LAMA3: variants seen among roughly 807,000 people sequenced by gnomAD.
LAMA3 encodes laminin subunit alpha 3, also known as laminin subunit alpha-3.
In LAMA3, 281 loss-of-function variants were observed where a neutral mutation model predicts 402.0. The ratio of observed to expected loss-of-function variants is 0.70; its 90% CI spans 0.63 to 0.77. The LOEUF (loss-of-function observed/expected upper bound fraction) is 0.77, where lower values mean the gene tolerates loss of function less well. Among genes scored for constraint, LAMA3 ranks in the 30% least tolerant of loss-of-function variants. The probability of loss-of-function intolerance (pLI) is 0.00; values close to 1 mark genes in which losing one functional copy is unlikely to be tolerated. For synonymous variants in LAMA3, 1,431 were observed against 1,558.4 expected, an observed-to-expected ratio of 0.92 and a Z score of 1.93; for missense variants, 3,840 against 4,215.5, an observed-to-expected ratio of 0.91 and a Z score of 2.47.
chr18:23,714,102 C>T (rs774649919), intron 2 of LAMA3, 30 bp downstream of exon 2: 1 of 1,597,264 alleles, frequency 6.3e-7, no homozygotes, highest in South Asian at 1.1e-5. Context: ...GGAATGGGAA[C>T]ATGAGCTTAG....
chr18:23,815,724 A>G, intron 17 of LAMA3, 151 bp downstream of exon 17: 2 of 698,426 alleles, frequency 2.9e-6, no homozygotes, highest in Admixed American at 2.0e-5. Context: ...CCAAACATTG[A>G]TTACATTGAA....
At chr18:23,733,444 G>T (rs2061425305) in intron 2 of LAMA3, among the ~76,000 whole-genome samples, 1 of 151,108 alleles carries the variant, frequency 6.6e-6, no homozygotes, top group Non-Finnish European at 1.5e-5. Context: ...AGCAAAAGGG[G>T]TTTTCCCTTA....
At chr18:23,830,521 A>G (rs545681008) in intron 23 of LAMA3, among the ~76,000 whole-genome samples, 1 of 152,334 alleles carries the variant, frequency 6.6e-6, no homozygotes, top group East Asian at 1.9e-4. Context: ...GATATGTTTC[A>G]GTCCTCATCG....
rs557523147 is a variant in LAMA3 at position 23,773,570 on chromosome 18, C to A, written c.1256C>A (p.Ala419Asp). ...YYRPYGVPVD[A>D]PDGCIPCSCD... ...CGCCCTTATGGGGTTCCAGTGGATG[C>A]CCCTGATGGCTGCATCCGTAAGTTT... The change falls in exon 9 of 75, where the codon GCC (alanine) becomes GAC (aspartate). Residue 419 changes from alanine (A) to aspartate (D), a missense_variant. Physicochemically the swap from Ala to Asp is moderately radical, Grantham distance 126. This residue lies in a region of LAMA3 where 2,109 missense variants were observed against 2,376.0 expected (regional missense o/e 0.89). Coordinates refer to ENST00000313654, the MANE Select transcript of LAMA3 (RefSeq NM_198129.4). 80 of 1,587,290 alleles carry A rather than the reference C, an allele frequency of 5.0e-5. No homozygotes were observed. In the East Asian group the frequency reaches 9.7e-4, roughly 19 times the overall value.
At chr18:23,791,569 TA>T (rs1339515896) in intron 12 of LAMA3, among the ~76,000 whole-genome samples, 1 of 151,596 alleles carries the variant, frequency 6.6e-6, no homozygotes, top group African/African-American at 2.4e-5. Flanking sequence ...CTGTCTCTAC[TA>T]AAAAAATACA....
At chr18:23,755,031 G>C (rs2061819344) in intron 6 of LAMA3, among the ~76,000 whole-genome samples, 2 of 152,198 alleles carry the variant, frequency 1.3e-5, no homozygotes, top group African/African-American at 4.8e-5. Flanking sequence ...GCTGTTGAGA[G>C]AGCTTACGCA....
intron 8 of LAMA3, among the ~76,000 whole-genome samples, chr18:23,764,242 C>A (rs140750160): frequency 2.0e-5 from 3 of 152,044 alleles, no homozygotes; most frequent in African/African-American, 7.2e-5. Context: ...TTGTCTCCCC[C>A]CTCCATACTT....
Position 23,953,041 on chromosome 18 carries a change from A to G in LAMA3, c.9788A>G (p.Tyr3263Cys). Residue 3263 changes from tyrosine to cysteine, a missense_variant, in exon 74 of 75, where the codon TAC becomes TGC. This residue lies in a region of LAMA3 where 840 missense variants were observed against 981.9 expected (regional missense o/e 0.86). Transcript: ENST00000313654. ...CTGGAACTGGACACAGACAGTAGCT[A>G]CACAGCTGGACAGATCCCCTTCCCA... is the stretch of plus-strand genomic sequence containing the variant. ...LHLELDTDSS[Y>C]TAGQIPFPPA... The G allele has an allele frequency of 6.2e-7, 1 of 1,614,138 alleles. No individual in the cohort carries two copies. Among genetic ancestry groups the G allele is most frequent in the South Asian group, 1.1e-5 (1 of 91,088 alleles).
chr18:23,907,916 G>T lies in LAMA3; in HGVS notation c.6996G>T (p.Leu2332=). ...RTQNEDFKKA[L]TDADNSVNKL... is the part of the protein sequence containing the mutation. ...AGAACGAAGACTTCAAAAAGGCTCT[G>T]ACTGATGCAGATAACTCGGGTATCA... Residue 2332 remains leucine, a synonymous_variant, in exon 54 of 75, where the codon CTG becomes CTT. Coordinates refer to ENST00000313654, the MANE Select transcript of LAMA3 (RefSeq NM_198129.4). 3 of 1,613,844 alleles carry T rather than the reference G, an allele frequency of 1.9e-6. No individual in the cohort carries two copies. The South Asian group carries it at 3.3e-5, about 18-fold the overall frequency.
chr18:23,912,436 T>C (rs532189878), intron 55 of LAMA3, among the ~76,000 whole-genome samples: 2 of 152,290 alleles, frequency 1.3e-5, no homozygotes, highest in South Asian at 4.1e-4. Flanking sequence ...TTATTATTAT[T>C]GCTAGCACAG....
intron 12 of LAMA3, among the ~76,000 whole-genome samples, chr18:23,796,987 C>T (rs1033361310): frequency 6.6e-5 from 10 of 152,140 alleles, no homozygotes; most frequent in East Asian, 1.9e-4. Flanking sequence ...CTTCTGGCCC[C>T]GGTGGGTGAA....
At chr18:23,732,722 C>G (rs1396969845) in intron 2 of LAMA3, among the ~76,000 whole-genome samples, 7 of 152,044 alleles carry the variant, frequency 4.6e-5, no homozygotes, top group Non-Finnish European at 7.3e-5. Context: ...TACATCCTTG[C>G]TTTGTTACCT....
Position 23,879,418 on chromosome 18 carries a change from G to A in LAMA3, c.5113-2518G>A, listed in dbSNP as rs867308658. Among the ~76,000 whole-genome samples, 6 of 152,068 alleles carry A rather than the reference G, an allele frequency of 3.9e-5. No individual in the cohort carries two copies. The highest frequency in any genetic ancestry group is 1.9e-4 in the East Asian group (1 of 5,180). ...GAATCCCTGTCCTTCTGCGGCCCTC[G>A]CAGGCAGCCCCTCCTCCTGCTCTCG... On this transcript the variant is annotated intron_variant, in intron 39 of 74. Transcript: ENST00000313654. The surrounding 1 kb of genome is among the most constrained non-coding windows in gnomAD (Gnocchi z 4.2).
At chr18:23,863,733 C>T (rs1377852211) in intron 35 of LAMA3, among the ~76,000 whole-genome samples, 1 of 152,084 alleles carries the variant, frequency 6.6e-6, no homozygotes, top group Non-Finnish European at 1.5e-5. Flanking sequence ...TGGCATTTTC[C>T]TATAGGTTAT....
chr18:23,860,261 CTTTTTTTTTT>C (rs59852195), intron 34 of LAMA3, among the ~76,000 whole-genome samples: 4 of 112,648 alleles, frequency 3.6e-5, no homozygotes, highest in African/African-American at 1.4e-4. Flanking sequence ...CTTTTCTTTT[CTTTTTTTTTT>C]TTTTTTTTTG....
chr18:23,932,319 T>C, intron 66 of LAMA3, 28 bp downstream of exon 66: 1 of 1,612,408 alleles, frequency 6.2e-7, no homozygotes, highest in Non-Finnish European at 8.5e-7. Context: ...TGTGGGTAAC[T>C]GATGAGAACG....
intron 1 of LAMA3, among the ~76,000 whole-genome samples, chr18:23,690,323 T>C (rs1357152670): frequency 6.6e-6 from 1 of 152,156 alleles, no homozygotes; most frequent in Non-Finnish European, 1.5e-5. Flanking sequence ...CCGCCAGGCT[T>C]GAGTCCTCGA....
At chr18:23,819,719 C>G (rs2063246126) in intron 18 of LAMA3, 122 bp from the exon 19 acceptor site, 1 of 870,810 alleles carries the variant, frequency 1.1e-6, no homozygotes, top group East Asian at 2.5e-5. Flanking sequence ...CTCATTTGTC[C>G]TTTATTTAAT....
chr18:23,947,715 A>G (rs969932518), intron 70 of LAMA3, among the ~76,000 whole-genome samples: 1 of 152,028 alleles, frequency 6.6e-6, no homozygotes, highest in Admixed American at 6.6e-5. Context: ...TCCATTATTT[A>G]TAATACACAT....
Sources: gnomAD v4.1 joint callset for allele counts (sites outside exome capture counted in the v4.1 genomes callset) on GRCh38, gnomAD v4.1.1 for gene constraint, gnomAD v4.1.1 regional missense constraint, Gnocchi (gnomAD v3.1) non-coding constraint, MANE v1.5 for transcripts, NCBI Gene and HGNC (gene_info 2026-07-23, HGNC 2026-07-21) for gene names.